LRRC24: variants seen among roughly 807,000 people sequenced by gnomAD.
LRRC24 encodes the protein leucine-rich repeat-containing protein 24.
Under a neutral mutation model 15.3 loss-of-function variants are expected in LRRC24, and 19 were observed. That is an observed-to-expected ratio of 1.25 (90% CI 0.87 to 1.83). LRRC24 has a LOEUF of 1.83. Ranked by LOEUF, LRRC24 falls within the 40% of genes most tolerant of loss-of-function variation. The pLI is 0.00. For synonymous variants in LRRC24, 469 were observed against 359.6 expected (o/e 1.30, Z -3.44); for missense variants, 914 against 723.9 (o/e 1.26, Z -3.01).
rs1395387421 is a variant in LRRC24 at position 144,522,845 on chromosome 8, G to A, written c.1172C>T (p.Ala391Val). 1.5e-6 allele frequency: 2 copies of A among 1,346,000 alleles called. No individual in the cohort carries two copies. Among genetic ancestry groups the A allele is most frequent in the African/African-American group, 3.1e-5 (2 of 65,340 alleles). The allele number at this position is 1,346,000 out of a possible 1,614,324, so 83.4% of individuals were successfully genotyped here. A position where few individuals can be genotyped will look rare whatever the true frequency, so the allele number is the denominator to read the frequency against. The change falls in exon 5 of 5, where the codon GCG becomes GTG. Residue 391 changes from alanine (A) to valine (V), a missense_variant. Ala to Val is a moderately conservative substitution (Grantham distance 64). Transcript: ENST00000529415. The part of the protein sequence containing the change: ...RPAGSEPRPE[A>V]GSMAFRALGV... ...CAGGGCGCGGAAGGCCATGCTGCCC[G>A]CCTCGGGCCGGGGCTCGCTGCCGGC...
rs146331870 is a variant in LRRC24, at chr8:144,523,039, G to T, written c.978C>A (p.Gly326=). The T allele has an allele frequency of 1.5e-4, 245 of 1,602,264 alleles. No homozygotes were observed. The highest frequency in any genetic ancestry group is 9.5e-4 in the Admixed American group (56 of 59,222). The change falls in exon 5 of 5, where the codon GGC becomes GGA. Residue 326 remains glycine, a synonymous_variant. Transcript: ENST00000529415. ...GLGGHSASDT[G]SGMLFLSNIT... ...TGTTGCTGAGGAAGAGCATGCCGCT[G>T]CCCGTGTCGGATGCCGAGTGTCCGC...
At position 144,523,377 on chromosome 8, in the gene LRRC24, A is replaced by G. The variant is rs1816208660; in HGVS notation, c.640T>C (p.Trp214Arg). Reference sequence around the variant, plus strand: ...CCCTCCTTGATCCAGGCACCCAGCCAGTGCAGGGCGCAGTCACAGCGCCAT... The same window carrying G: ...CCCTCCTTGATCCAGGCACCCAGCCGGTGCAGGGCGCAGTCACAGCGCCAT... ...NPWRCDCALH[W>R]LGAWIKEGGQ... Residue 214 changes from tryptophan (W) to arginine (R), a missense_variant, in exon 5 of 5, where the codon TGG becomes CGG. Transcript: ENST00000529415. 1 of 1,557,216 alleles carries G rather than the reference A, an allele frequency of 6.4e-7. No individual in the cohort carries two copies. The highest frequency in any genetic ancestry group is 1.2e-5 in the South Asian group (1 of 82,964).
rs1816388859 is a variant in LRRC24 at position 144,527,016 on chromosome 8, C to G, written c.-116G>C. On this transcript the variant is annotated 5_prime_UTR_variant, in exon 1 of 5. Coordinates refer to ENST00000529415, the MANE Select transcript of LRRC24 (RefSeq NM_001024678.4). The stretch of plus-strand genomic sequence containing the variant: ...CGTGCAGGTGGCGGCCGGGCCCGAG[C>G]AGTCGCCGGGCTGGGAGGGGGCGGG... The G allele has an allele frequency of 6.5e-6, 1 of 154,884 alleles. No individual in the cohort carries two copies. Among genetic ancestry groups the G allele is most frequent in the South Asian group, 2.1e-4 (1 of 4,860 alleles). The allele number at this position is 154,884 out of a possible 1,614,324, so 9.6% of individuals were successfully genotyped here. A position where few individuals can be genotyped will look rare whatever the true frequency, so the allele number is the denominator to read the frequency against.
rs1816290446 is a variant in LRRC24 at position 144,524,692 on chromosome 8, C to T, written c.187G>A (p.Ala63Thr). ...QTLFLQDNNI[A>T]RLEPGALAPL... is the part of the protein sequence containing the mutation. ...GCCAGGGCTCCCGGCTCTAGGCGGG[C>T]GATGTTGTTGTCCTGCAGGAACAGT... Residue 63 changes from alanine to threonine, a missense_variant, in exon 3 of 5, where the codon GCC becomes ACC. By Grantham distance (58) the Ala-to-Thr change is moderately conservative (BLOSUM62 0). Transcript: ENST00000529415. 1.4e-6 allele frequency: 2 copies of T among 1,468,008 alleles called. No homozygotes were observed. The highest frequency in any genetic ancestry group is 2.7e-5 in the Admixed American group (1 of 36,922). The allele number at this position is 1,468,008 out of a possible 1,614,324, so 90.9% of individuals were successfully genotyped here.
chr8:144,523,954 A>AC, intron 4 of LRRC24, 156 bp downstream of exon 4: 1 of 840,154 alleles, frequency 1.2e-6, no homozygotes, highest in Non-Finnish European at 1.9e-6. Flanking sequence ...TCCCCAGCAC[A>AC]CCCACTCCCG....
chr8:144,522,680 A>G lies in LRRC24; in HGVS notation c.1337T>C (p.Val446Ala). 6.3e-7 allele frequency: 1 copy of G among 1,596,486 alleles called. No homozygotes were observed. The highest frequency in any genetic ancestry group is 8.5e-7 in the Non-Finnish European group (1 of 1,172,742). Residue 446 changes from valine to alanine, a missense_variant, in exon 5 of 5, where the codon GTC becomes GCC. By Grantham distance (64) the Val-to-Ala change is moderately conservative. Coordinates refer to ENST00000529415, the MANE Select transcript of LRRC24 (RefSeq NM_001024678.4). ...RGPPGEGALF[V>A]NDYLDGPCTF... The stretch of plus-strand genomic sequence containing the variant: ...ACAGGGGCCGTCCAAGTAGTCGTTG[A>G]CGAACAGCGCTCCCTCCCCCGGAGG...
chr8:144,524,324 G>C (rs751752457), intron 3 of LRRC24, 46 bp from the exon 4 acceptor site: 3 of 1,602,730 alleles, frequency 1.9e-6, no homozygotes, highest in Non-Finnish European at 2.5e-6. Flanking sequence ...CGCCGAGGTT[G>C]GGGGCATGTC....
chr8:144,523,418 G>C lies in LRRC24; in HGVS notation c.608-9C>G. On this transcript the variant is annotated splice_polypyrimidine_tract_variant and intron_variant, in intron 4 of 4. Coordinates refer to ENST00000529415, the MANE Select transcript of LRRC24 (RefSeq NM_001024678.4). ...ACAGCGCCATGGGTTCTCTGTGGGA[G>C]AGCAGCGTTAGGCAGGTGGCTTGAG... 2 of 1,521,560 alleles carry C rather than the reference G, an allele frequency of 1.3e-6. No individual in the cohort carries two copies. The highest frequency in any genetic ancestry group is 1.8e-6 in the Non-Finnish European group (2 of 1,135,568). The allele number at this position is 1,521,560 out of a possible 1,614,324, so 94.3% of individuals were successfully genotyped here. A position where few individuals can be genotyped will look rare whatever the true frequency, so the allele number is the denominator to read the frequency against.
intron 1 of LRRC24, chr8:144,526,718 T>C (rs1360528582): frequency 1.3e-5 from 2 of 152,244 alleles, no homozygotes; most frequent in Non-Finnish European, 2.9e-5. Context: ...AGCTGGTCTT[T>C]GGGCGGCCCT....
In LRRC24 at chr8:144,522,486, T is replaced by C; in HGVS notation, c.1531A>G (p.Ile511Val). 1 of 1,489,610 alleles carries C rather than the reference T, an allele frequency of 6.7e-7. No homozygotes were observed. 92.3% of individuals were successfully genotyped at this position (1,489,610 alleles called of 1,614,324 possible). A position where few individuals can be genotyped will look rare whatever the true frequency, so the allele number is the denominator to read the frequency against. ...LRVPPPVAYE[I>V]HC ...GCGCGCCCGCGGCCCTAGCAGTGGATCTCGTAGGCGACCGGCGGGGGCACG... is the reference window on the plus strand; with the variant it reads ...GCGCGCCCGCGGCCCTAGCAGTGGACCTCGTAGGCGACCGGCGGGGGCACG... Residue 511 changes from isoleucine to valine, a missense_variant, in exon 5 of 5, where the codon ATC (isoleucine) becomes GTC (valine). Coordinates refer to ENST00000529415, the MANE Select transcript of LRRC24 (RefSeq NM_001024678.4).
intron 1 of LRRC24, chr8:144,525,916 A>C (rs1564826357): frequency 6.6e-6 from 1 of 152,170 alleles, no homozygotes; most frequent in Admixed American, 6.5e-5. Context: ...TTGCTGGGGG[A>C]CCATATACAT....
chr8:144,525,855 A>G (rs1043925259), intron 1 of LRRC24: 1 of 152,210 alleles, frequency 6.6e-6, no homozygotes, highest in East Asian at 1.9e-4. Flanking sequence ...TGGCTTCCCA[A>G]GTGGGCTCTG....
In LRRC24 at chr8:144,524,440, C is replaced by T. The variant is rs1269349123; in HGVS notation, c.438+1G>A. 2 of 1,597,742 alleles carry T rather than the reference C, an allele frequency of 1.3e-6. No individual in the cohort carries two copies. The highest frequency in any genetic ancestry group is 3.3e-5 in the Admixed American group (2 of 59,908). ...CGCCCCTTTAGACCCCAGGCGCTCA[C>T]CGGCAGGTGCAAGAAGGTGAAATCC... On this transcript the variant is annotated splice_donor_variant, in intron 3 of 4. Transcript: ENST00000529415. LOFTEE classifies it high-confidence loss of function.
chr8:144,522,471 G>A lies in LRRC24; in HGVS notation c.*4C>T. The A allele has an allele frequency of 7.0e-7, 1 of 1,424,880 alleles. No individual in the cohort carries two copies. Among genetic ancestry groups the A allele is most frequent in the Non-Finnish European group, 9.1e-7 (1 of 1,096,708 alleles). The allele number at this position is 1,424,880 out of a possible 1,614,324, so 88.3% of individuals were successfully genotyped here. A position where few individuals can be genotyped will look rare whatever the true frequency, so the allele number is the denominator to read the frequency against. ...GCGCCCACGTCATCCGCGCGCCCGC[G>A]GCCCTAGCAGTGGATCTCGTAGGCG... On this transcript the variant is annotated 3_prime_UTR_variant, in exon 5 of 5. Coordinates refer to ENST00000529415, the MANE Select transcript of LRRC24 (RefSeq NM_001024678.4).
Position 144,524,526 on chromosome 8 carries a change from A to T in LRRC24, c.353T>A (p.Phe118Tyr). The T allele has an allele frequency of 6.3e-7, 1 of 1,591,324 alleles. No individual in the cohort carries two copies. Among genetic ancestry groups the T allele is most frequent in the Non-Finnish European group, 8.5e-7 (1 of 1,177,200 alleles). Reference sequence around the variant, plus strand: ...CACGCGCAGCTGGGCCAGGCCTACGAAGGCGCCGCTGCGCAAGCCGCGCAG... The same window carrying T: ...CACGCGCAGCTGGGCCAGGCCTACGTAGGCGCCGCTGCGCAAGCCGCGCAG... The part of the protein sequence containing the change: ...NRLRGLRSGA[F>Y]VGLAQLRVLY... Residue 118 changes from phenylalanine (F) to tyrosine (Y), a missense_variant, in exon 3 of 5, where the codon TTC becomes TAC. By Grantham distance (22) the Phe-to-Tyr change is conservative (BLOSUM62 3). Transcript: ENST00000529415.
In LRRC24 at chr8:144,522,533, TG is replaced by T; in HGVS notation, c.1483del (p.Gln495ArgfsTer?). On this transcript the variant is annotated frameshift_variant, in exon 5 of 5. Coordinates refer to ENST00000529415, the MANE Select transcript of LRRC24 (RefSeq NM_001024678.4). LOFTEE classifies it low-confidence loss of function (END_TRUNC). ...AEAPADCGPE[Q>X]GAGPGLRVPP... is the part of the protein sequence containing the mutation. ...CACGCGGAGTCCCGGCCCCGCCCCCTGTTCCGGGCCGCAGTCAGCGGGCGCC... is the reference window on the plus strand; with the variant it reads ...CACGCGGAGTCCCGGCCCCGCCCCCTTTCCGGGCCGCAGTCAGCGGGCGCC... 6.6e-7 allele frequency: 1 copy of T among 1,520,688 alleles called. No homozygotes were observed. The highest frequency in any genetic ancestry group is 8.8e-7 in the Non-Finnish European group (1 of 1,136,506). The allele number at this position is 1,520,688 out of a possible 1,614,324, so 94.2% of individuals were successfully genotyped here.
At chr8:144,524,299 C>G (rs374419891) in intron 3 of LRRC24, 21 bp from the exon 4 acceptor site, 1 of 1,609,018 alleles carries the variant, frequency 6.2e-7, no homozygotes, top group South Asian at 1.1e-5. Context: ...GACAGCAGAT[C>G]GTGAGGAAAA....
intron 4 of LRRC24, 112 bp downstream of exon 4, chr8:144,523,998 G>T: frequency 7.7e-7 from 1 of 1,296,616 alleles, no homozygotes; most frequent in Non-Finnish European, 1.1e-6. Context: ...CGGTGGTGCA[G>T]CCTTCCAGAC....
At position 144,524,446 on chromosome 8, in the gene LRRC24, G is replaced by T. The variant is rs1397861605; in HGVS notation, c.433C>A (p.Leu145Met). 4 of 1,597,818 alleles carry T rather than the reference G, an allele frequency of 2.5e-6. No homozygotes were observed. The highest frequency in any genetic ancestry group is 1.3e-5 in the African/African-American group (1 of 74,934). ...ARLLDFTFLH[L>M]PRLQELHLQE... ...TTTAGACCCCAGGCGCTCACCGGCA[G>T]GTGCAAGAAGGTGAAATCCAGCAGC... is the stretch of plus-strand genomic sequence containing the variant. Residue 145 changes from leucine to methionine, a missense_variant, in exon 3 of 5, where the codon CTG becomes ATG. By Grantham distance (15) the Leu-to-Met change is conservative. Transcript: ENST00000529415.
Sources: allele counts gnomAD v4.1 joint callset, GRCh38; gene constraint gnomAD v4.1.1; transcripts MANE v1.5; gene names NCBI Gene and HGNC (gene_info 2026-07-23, HGNC 2026-07-21).